The following PRR23B variants were observed in gnomAD, a reference collection of about 807,000 sequenced individuals.
The protein encoded by PRR23B is proline rich 23B.
For synonymous variants in PRR23B, 157 were observed against 168.0 expected (o/e 0.93, Z 0.51); for missense variants, 375 against 371.7 (o/e 1.01, Z -0.07).
At position 139,020,081 on chromosome 3, in the gene PRR23B, A is replaced by G; in HGVS notation, c.581T>C (p.Ile194Thr). ...SMFIPYREGP[I>T]PEPCALAPNP... ...GGGGGCCAGAGCACAGGGTTCTGGG[A>G]TGGGGCCCTCCCGGTAGGGGATGAA... Residue 194 changes from isoleucine (I) to threonine (T), a missense_variant, in exon 1 of 1, where the codon ATC becomes ACC. By Grantham distance (89) the Ile-to-Thr change is moderately conservative. Transcript: ENST00000329447. The G allele has an allele frequency of 1.2e-6, 2 of 1,613,904 alleles. No homozygotes were observed. The highest frequency in any genetic ancestry group is 3.3e-5 in the Admixed American group (2 of 60,020).
chr3:139,020,118 AGGAGGG>A lies in PRR23B; in HGVS notation c.538_543del (p.Pro180_Ser181del), dbSNP rs750935840. 400 of 1,613,884 alleles carry A rather than the reference AGGAGGG, an allele frequency of 2.5e-4. No homozygotes were observed. In the African/African-American group the frequency reaches 4.4e-3, roughly 18 times the overall value. On this transcript the variant is annotated inframe_deletion, in exon 1 of 1. Coordinates refer to ENST00000329447, the MANE Select transcript of PRR23B (RefSeq NM_001013650.2). ...CGGTAGGGGATGAACATACTTCTAG[AGGAGGG>A]GTAGAGCCCAGCGGCTGAGCCGGTT...
At position 139,020,793 on chromosome 3, in the gene PRR23B, C is replaced by T; in HGVS notation, c.-132G>A. 2.5e-6 allele frequency: 3 copies of T among 1,176,528 alleles called. No individual in the cohort carries two copies. Among genetic ancestry groups the T allele is most frequent in the Non-Finnish European group, 3.4e-6 (3 of 873,496 alleles). 72.9% of individuals were successfully genotyped at this position (1,176,528 alleles called of 1,614,324 possible). A position where few individuals can be genotyped will look rare whatever the true frequency, so the allele number is the denominator to read the frequency against. On this transcript the variant is annotated 5_prime_UTR_variant, in exon 1 of 1. Coordinates refer to ENST00000329447, the MANE Select transcript of PRR23B (RefSeq NM_001013650.2). ...GGTTGGGACGAGCGGGGCGCAGGAC[C>T]GCGCGACGCGGGGCGAGTCCTCGGA...
rs113420873 is a variant in PRR23B at position 139,020,341 on chromosome 3, G to T, written c.321C>A (p.Ser107=). ...LILIPEVLLS[S]VDERSGAQHD... is the part of the protein sequence containing the mutation. ...GCTGCGCTCCTGAGCGTTCGTCGACGGAGCTCAGGAGGACCTCTGGGATCA... is the reference window on the plus strand; with the variant it reads ...GCTGCGCTCCTGAGCGTTCGTCGACTGAGCTCAGGAGGACCTCTGGGATCA... The change falls in exon 1 of 1, where the codon TCC becomes TCA. Residue 107 remains serine (S), a synonymous_variant. Coordinates refer to ENST00000329447, the MANE Select transcript of PRR23B (RefSeq NM_001013650.2). The T allele has an allele frequency of 6.2e-7, 1 of 1,614,036 alleles. No individual in the cohort carries two copies. Among genetic ancestry groups the T allele is most frequent in the South Asian group, 1.1e-5 (1 of 91,072 alleles).
chr3:139,020,521 G>C lies in PRR23B; in HGVS notation c.141C>G (p.Asp47Glu). Residue 47 changes from aspartate (D) to glutamate (E), a missense_variant, in exon 1 of 1, where the codon GAC becomes GAG. Transcript: ENST00000329447. ...PEPRAAPSLE[D>E]PAGDPAVDAL... ...CGTCCACGGCCGGGTCCCCCGCCGG[G>C]TCTTCCAGGCTGGGTGCCGCGCGGG... The C allele has an allele frequency of 5.7e-6, 9 of 1,570,122 alleles. No homozygotes were observed. Among genetic ancestry groups the C allele is most frequent in the Non-Finnish European group, 7.8e-6 (9 of 1,160,662 alleles).
Position 139,019,947 on chromosome 3 carries a change from C to G in PRR23B, c.715G>C (p.Val239Leu). The change falls in exon 1 of 1, where the codon GTG (valine) becomes CTG (leucine). Residue 239 changes from valine (V) to leucine (L), a missense_variant. Coordinates refer to ENST00000329447, the MANE Select transcript of PRR23B (RefSeq NM_001013650.2). ...CGCGCGTGGGGACCTGGACTCCCCACGCACGGAGAGGGAGGTAGAGGTTGG... is the reference window on the plus strand; with the variant it reads ...CGCGCGTGGGGACCTGGACTCCCCAGGCACGGAGAGGGAGGTAGAGGTTGG... ...PLQPLPPSPC[V>L]GSPGPHARSP... The G allele has an allele frequency of 1.2e-6, 2 of 1,613,658 alleles. No individual in the cohort carries two copies. Among genetic ancestry groups the G allele is most frequent in the Non-Finnish European group, 1.7e-6 (2 of 1,179,834 alleles).
Position 139,019,777 on chromosome 3 carries a change from T to C in PRR23B, c.*87A>G. 1 of 1,375,588 alleles carries C rather than the reference T, an allele frequency of 7.3e-7. No individual in the cohort carries two copies. Among genetic ancestry groups the C allele is most frequent in the Non-Finnish European group, 9.9e-7 (1 of 1,014,724 alleles). 85.2% of individuals were successfully genotyped at this position (1,375,588 alleles called of 1,614,324 possible). On this transcript the variant is annotated 3_prime_UTR_variant, in exon 1 of 1. Transcript: ENST00000329447. Reference sequence around the variant, plus strand: ...ACGCGGTGCCCAATTTCCAGGTTGTTGGATACTCAATGTGAGAGATTCCCG... The same window carrying C: ...ACGCGGTGCCCAATTTCCAGGTTGTCGGATACTCAATGTGAGAGATTCCCG...
At position 139,019,361 on chromosome 3, in the gene PRR23B, A is replaced by T. The variant is rs1213573492; in HGVS notation, c.*503T>A. On this transcript the variant is annotated 3_prime_UTR_variant, in exon 1 of 1. Coordinates refer to ENST00000329447, the MANE Select transcript of PRR23B (RefSeq NM_001013650.2). ...AGGAAGAAGCAACATACAGTCTTGTATAGTAAGCATACTATTTGGCAGTTT... is the reference window on the plus strand; with the variant it reads ...AGGAAGAAGCAACATACAGTCTTGTTTAGTAAGCATACTATTTGGCAGTTT... The T allele has an allele frequency of 6.5e-6, 1 of 154,918 alleles. No homozygotes were observed. Among genetic ancestry groups the T allele is most frequent in the African/African-American group, 2.4e-5 (1 of 41,480 alleles). 9.6% of individuals were successfully genotyped at this position (154,918 alleles called of 1,614,324 possible).
In PRR23B at chr3:139,019,203, A is replaced by C. The variant is rs1369123143; in HGVS notation, c.*661T>G. The stretch of plus-strand genomic sequence containing the variant: ...GAATGCAAACACTTTCCATTGGGTG[A>C]AATCACCAGATTAACAAATTAAAAA... On this transcript the variant is annotated 3_prime_UTR_variant, in exon 1 of 1. Coordinates refer to ENST00000329447, the MANE Select transcript of PRR23B (RefSeq NM_001013650.2). 1 of 152,208 alleles carries C rather than the reference A, an allele frequency of 6.6e-6. No homozygotes were observed. The highest frequency in any genetic ancestry group is 1.9e-4 in the East Asian group (1 of 5,202). The allele number at this position is 152,208 out of a possible 1,614,324, so 9.4% of individuals were successfully genotyped here. A position where few individuals can be genotyped will look rare whatever the true frequency, so the allele number is the denominator to read the frequency against.
rs1228704823 is a variant in PRR23B at position 139,020,268 on chromosome 3, T to C, written c.394A>G (p.Arg132Gly). Residue 132 changes from arginine (R) to glycine (G), a missense_variant, in exon 1 of 1, where the codon AGG (arginine) becomes GGG (glycine). Coordinates refer to ENST00000329447, the MANE Select transcript of PRR23B (RefSeq NM_001013650.2). ...LEVDVFLGAVREDVVVELEFC... is the reference protein window; with the variant it reads ...LEVDVFLGAVGEDVVVELEFC... Reference sequence around the variant, plus strand: ...TCCAGCTCGACGACGACGTCCTCCCTGACAGCGCCCAGGAAAACGTCCACT... The same window carrying C: ...TCCAGCTCGACGACGACGTCCTCCCCGACAGCGCCCAGGAAAACGTCCACT... 1.9e-6 allele frequency: 3 copies of C among 1,613,980 alleles called. No individual in the cohort carries two copies. Among genetic ancestry groups the C allele is most frequent in the Non-Finnish European group, 2.5e-6 (3 of 1,179,972 alleles).
the PRR23B span, chr3:139,020,035 AC>A: frequency 1.9e-6 from 3 of 1,613,998 alleles, no homozygotes; most frequent in East Asian, 6.7e-5. Flanking sequence ...GGCGTGGAGA[AC>A]GTCTCTCTGA....
chr3:139,020,223 C>T lies in PRR23B; in HGVS notation c.439G>A (p.Glu147Lys). Residue 147 changes from glutamate (E) to lysine (K), a missense_variant, in exon 1 of 1, where the codon GAG (glutamate) becomes AAG (lysine). Physicochemically the swap from Glu to Lys is moderately conservative, Grantham distance 56. Transcript: ENST00000329447. ...TAGGCCTCTTCCTGGGCGGCGATCT[C>T]TGGGACAGATGCGCAGAATTCCAGC... ...VELEFCASVP[E>K]IAAQEEAYEE... 5 of 1,614,106 alleles carry T rather than the reference C, an allele frequency of 3.1e-6. No individual in the cohort carries two copies. The highest frequency in any genetic ancestry group is 4.2e-6 in the Non-Finnish European group (5 of 1,180,012).
In PRR23B at chr3:139,019,757, G is replaced by T; in HGVS notation, c.*107C>A. 3 of 1,155,454 alleles carry T rather than the reference G, an allele frequency of 2.6e-6. No individual in the cohort carries two copies. The highest frequency in any genetic ancestry group is 3.6e-6 in the Non-Finnish European group (3 of 823,608). 71.6% of individuals were successfully genotyped at this position (1,155,454 alleles called of 1,614,324 possible). On this transcript the variant is annotated 3_prime_UTR_variant, in exon 1 of 1. Coordinates refer to ENST00000329447, the MANE Select transcript of PRR23B (RefSeq NM_001013650.2). ...GAAAAAGCAATTGTCCGAACACGCG[G>T]TGCCCAATTTCCAGGTTGTTGGATA...
chr3:139,019,792 A>G lies in PRR23B; in HGVS notation c.*72T>C. The G allele has an allele frequency of 2.1e-6, 3 of 1,451,534 alleles. No individual in the cohort carries two copies. Among genetic ancestry groups the G allele is most frequent in the Non-Finnish European group, 2.8e-6 (3 of 1,078,424 alleles). The allele number at this position is 1,451,534 out of a possible 1,614,324, so 89.9% of individuals were successfully genotyped here. A position where few individuals can be genotyped will look rare whatever the true frequency, so the allele number is the denominator to read the frequency against. On this transcript the variant is annotated 3_prime_UTR_variant, in exon 1 of 1. Transcript: ENST00000329447. Reference sequence around the variant, plus strand: ...TCCAGGTTGTTGGATACTCAATGTGAGAGATTCCCGCAATCCTAGAGGGCC... The same window carrying G: ...TCCAGGTTGTTGGATACTCAATGTGGGAGATTCCCGCAATCCTAGAGGGCC...
Position 139,020,114 on chromosome 3 carries a change from C to A in PRR23B, c.548G>T (p.Arg183Ile), listed in dbSNP as rs200993865. 1.2e-5 allele frequency: 19 copies of A among 1,614,050 alleles called. No individual in the cohort carries two copies. The Admixed American group carries it at 3.2e-4, about 27-fold the overall frequency. Reference sequence around the variant, plus strand: ...CTCCCGGTAGGGGATGAACATACTTCTAGAGGAGGGGTAGAGCCCAGCGGC... The same window carrying A: ...CTCCCGGTAGGGGATGAACATACTTATAGAGGAGGGGTAGAGCCCAGCGGC... The part of the protein sequence containing the change: ...GSAAGLYPSS[R>I]SMFIPYREGP... The change falls in exon 1 of 1, where the codon AGA becomes ATA. Residue 183 changes from arginine to isoleucine, a missense_variant. By Grantham distance (97) the Arg-to-Ile change is moderately conservative. Transcript: ENST00000329447.
In PRR23B at chr3:139,019,660, A is replaced by G. The variant is rs952147050; in HGVS notation, c.*204T>C. 2.0e-6 allele frequency: 1 copy of G among 489,858 alleles called. No homozygotes were observed. Among genetic ancestry groups the G allele is most frequent in the African/African-American group, 1.9e-5 (1 of 52,110 alleles). 30.3% of individuals were successfully genotyped at this position (489,858 alleles called of 1,614,324 possible). On this transcript the variant is annotated 3_prime_UTR_variant, in exon 1 of 1. Coordinates refer to ENST00000329447, the MANE Select transcript of PRR23B (RefSeq NM_001013650.2). ...TCTGGTATCCTTGCGCAGATTTTCT[A>G]TTTAAAGATGAGGTCTAGAATATAC...
In PRR23B at chr3:139,020,131, C is replaced by T; in HGVS notation, c.531G>A (p.Gly177=). The change falls in exon 1 of 1, where the codon GGG becomes GGA. Residue 177 remains glycine (G), a synonymous_variant. Transcript: ENST00000329447. ...RMDSPTGSAA[G]LYPSSRSMFI... ...ACATACTTCTAGAGGAGGGGTAGAG[C>T]CCAGCGGCTGAGCCGGTTGGGGAGT... 3 of 1,614,044 alleles carry T rather than the reference C, an allele frequency of 1.9e-6. No homozygotes were observed. Among genetic ancestry groups the T allele is most frequent in the Non-Finnish European group, 2.5e-6 (3 of 1,179,982 alleles).
In PRR23B at chr3:139,020,828, G is replaced by T; in HGVS notation, c.-167C>A. The stretch of plus-strand genomic sequence containing the variant: ...GGGGCGAGTCCTCGGAGCTCCCGGG[G>T]CGCCTCCTGGGGGACCGTAGTCTGG... On this transcript the variant is annotated 5_prime_UTR_variant, in exon 1 of 1. Coordinates refer to ENST00000329447, the MANE Select transcript of PRR23B (RefSeq NM_001013650.2). 1 of 881,178 alleles carries T rather than the reference G, an allele frequency of 1.1e-6. No individual in the cohort carries two copies. The highest frequency in any genetic ancestry group is 1.6e-6 in the Non-Finnish European group (1 of 606,468). 54.6% of individuals were successfully genotyped at this position (881,178 alleles called of 1,614,324 possible).
rs1392988308 is a variant in PRR23B at position 139,020,448 on chromosome 3, G to A, written c.214C>T (p.Pro72Ser). The change falls in exon 1 of 1, where the codon CCC (proline) becomes TCC (serine). Residue 72 changes from proline to serine, a missense_variant. Pro to Ser is a moderately conservative substitution (Grantham distance 74, BLOSUM62 -1). Coordinates refer to ENST00000329447, the MANE Select transcript of PRR23B (RefSeq NM_001013650.2). ...VLAAGCALRV[P>S]LDDVDLVLEP... The stretch of plus-strand genomic sequence containing the variant: ...AGCACCAGGTCGACGTCGTCCAGGG[G>A]CACACGCAGGGCACAGCCCGCGGCC... The A allele has an allele frequency of 6.2e-7, 1 of 1,612,652 alleles. No homozygotes were observed. Among genetic ancestry groups the A allele is most frequent in the Non-Finnish European group, 8.5e-7 (1 of 1,179,530 alleles).
At position 139,020,604 on chromosome 3, in the gene PRR23B, G is replaced by C; in HGVS notation, c.58C>G (p.Pro20Ala). Reference protein sequence around the residue: ...AFPAPWWGQQPGGPGPAKRLR... With the variant: ...AFPAPWWGQQAGGPGPAKRLR... ...CGCTTGGCAGGGCCGGGTCCTCCTG[G>C]CTGCTGTCCCCACCAGGGAGCAGGG... Residue 20 changes from proline to alanine, a missense_variant, in exon 1 of 1, where the codon CCA becomes GCA. Transcript: ENST00000329447. 9 of 1,552,010 alleles carry C rather than the reference G, an allele frequency of 5.8e-6. No individual in the cohort carries two copies. Among genetic ancestry groups the C allele is most frequent in the Non-Finnish European group, 7.8e-6 (9 of 1,154,322 alleles).
Sources: allele counts gnomAD v4.1 joint callset, GRCh38; gene constraint gnomAD v4.1.1; transcripts MANE v1.5; gene names NCBI Gene and HGNC (gene_info 2026-07-23, HGNC 2026-07-21).